PTPRT: variants seen among roughly 807,000 people sequenced by gnomAD.
PTPRT encodes protein tyrosine phosphatase receptor type T, also known as receptor-type tyrosine-protein phosphatase T.
In PTPRT, 56 loss-of-function variants were observed where a neutral mutation model predicts 176.8. That is an observed-to-expected ratio of 0.32 (90% CI 0.26 to 0.40). The LOEUF (loss-of-function observed/expected upper bound fraction) is 0.40, where lower values mean the gene tolerates loss of function less well. PTPRT is among the 10% of genes least tolerant of loss of function. The pLI, the probability that PTPRT is intolerant of heterozygous loss-of-function variation, is 1.00. For missense variants in PTPRT, 1,540 were observed against 1,908.2 expected (o/e 0.81, Z 3.60); for synonymous variants, 783 against 739.0 (o/e 1.06, Z -0.96).
intron 7 of PTPRT, among the ~76,000 whole-genome samples, chr20:42,623,678 T>A (rs964457177): frequency 6.6e-6 from 1 of 152,046 alleles, no homozygotes; most frequent in African/African-American, 2.4e-5. Flanking sequence ...CGGCAGAAAC[T>A]CTGGCATATT....
intron 1 of PTPRT, among the ~76,000 whole-genome samples, chr20:43,152,162 C>G (rs1208353276): frequency 1.3e-5 from 2 of 151,860 alleles, no homozygotes; most frequent in Non-Finnish European, 2.9e-5. Context: ...GAACCACAGG[C>G]TCAAAGACTA....
At chr20:42,988,294 G>A (rs181690665) in intron 1 of PTPRT, among the ~76,000 whole-genome samples, 7 of 152,344 alleles carry the variant, frequency 4.6e-5, no homozygotes, top group East Asian at 1.9e-4. Flanking sequence ...GGAGTCAGGC[G>A]TGAAAATATT....
At chr20:42,370,167 C>T (rs2058568507) in intron 9 of PTPRT, among the ~76,000 whole-genome samples, 1 of 152,208 alleles carries the variant, frequency 6.6e-6, no homozygotes, top group Non-Finnish European at 1.5e-5. Context: ...CACAGCTTGT[C>T]CAAGAAGTGG....
chr20:42,129,754 G>A (rs1004991562), intron 18 of PTPRT, among the ~76,000 whole-genome samples: 7 of 152,198 alleles, frequency 4.6e-5, no homozygotes, highest in African/African-American at 1.4e-4. Context: ...TGGGAGTCAC[G>A]GAGGTCAGAT....
chr20:42,130,582 G>A (rs1456854754), intron 18 of PTPRT, among the ~76,000 whole-genome samples: 1 of 152,182 alleles, frequency 6.6e-6, no homozygotes, highest in African/African-American at 2.4e-5. Context: ...GAGAAGGTAA[G>A]GAATGGGTCC....
chr20:43,125,194 T>C (rs115984808), intron 1 of PTPRT, among the ~76,000 whole-genome samples: 3 of 151,438 alleles, frequency 2.0e-5, no homozygotes, highest in African/African-American at 7.3e-5. Flanking sequence ...GAAATGAGGT[T>C]TCATCATGTT....
chr20:42,720,397 T>C (rs1335201864), intron 6 of PTPRT, among the ~76,000 whole-genome samples: 1 of 152,142 alleles, frequency 6.6e-6, no homozygotes, highest in Non-Finnish European at 1.5e-5. Flanking sequence ...AGAATGCATA[T>C]AAGCAAGTGA....
chr20:42,791,514 G>C (rs2145552048), intron 2 of PTPRT, 48 bp from the exon 3 acceptor site: 1 of 1,537,562 alleles, frequency 6.5e-7, no homozygotes. Flanking sequence ...GAGAAAGTAA[G>C]AAAATCCTTC....
At chr20:42,584,518 C>A (rs896202703) in intron 7 of PTPRT, among the ~76,000 whole-genome samples, 2 of 152,196 alleles carry the variant, frequency 1.3e-5, no homozygotes, top group South Asian at 4.1e-4. Context: ...GAGGTCTTCT[C>A]TGATATCTTA....
intron 1 of PTPRT, among the ~76,000 whole-genome samples, chr20:42,902,065 AG>A (rs2079412471): frequency 6.6e-6 from 1 of 152,184 alleles, no homozygotes; most frequent in African/African-American, 2.4e-5. Flanking sequence ...GCAATCTAAT[AG>A]CTGTCACCCA....
At position 42,352,238 on chromosome 20, in the gene PTPRT, C is replaced by T. The variant is rs377232017; in HGVS notation, c.1608G>A (p.Ser536=). 8.1e-5 allele frequency: 130 copies of T among 1,614,074 alleles called. No individual in the cohort carries two copies. The East Asian group carries it at 2.0e-3, about 24-fold the overall frequency. ...GCTTGAACACTTTCCCCCTCTGGCT[C>T]GAGAGGTCAGCACTTGGGTCCAGCG... ...VGSLDPSADL[S]SQRGKVFKLR... Residue 536 remains serine (S), a synonymous_variant, in exon 10 of 31, where the codon TCG becomes TCA. Transcript: ENST00000373187.
intron 1 of PTPRT, among the ~76,000 whole-genome samples, chr20:43,124,986 T>C (rs2013387806): frequency 6.6e-6 from 1 of 151,436 alleles, no homozygotes; most frequent in Admixed American, 6.6e-5. Flanking sequence ...GAAACTAAGT[T>C]AGATTTGGGA....
At position 42,724,321 on chromosome 20, in the gene PTPRT, T is replaced by A. The variant is rs534606662; in HGVS notation, c.859+32141A>T. Reference sequence around the variant, plus strand: ...CCCCTAATTCAGTCTCTGTCCTCCCTCATGCACCTGGAGGCCCAAATCTAT... The same window carrying A: ...CCCCTAATTCAGTCTCTGTCCTCCCACATGCACCTGGAGGCCCAAATCTAT... On this transcript the variant is annotated intron_variant, in intron 6 of 30. Transcript: ENST00000373187. Among the ~76,000 whole-genome samples the A allele has an allele frequency of 4.6e-4, 70 of 152,336 alleles. 1 individual carries two copies. The highest frequency in any genetic ancestry group is 1.2e-3 in the Admixed American group (19 of 15,310).
chr20:42,162,747 C>T (rs1454231572), intron 16 of PTPRT, among the ~76,000 whole-genome samples: 1 of 152,222 alleles, frequency 6.6e-6, no homozygotes, highest in East Asian at 1.9e-4. Context: ...GGAGGTTTAG[C>T]ATATATTCCC....
rs561389023 is a variant in PTPRT at position 42,152,174 on chromosome 20, G to A, written c.2682+9178C>T. ...GTGACAGCCAAATATCTTGAGACAG[G>A]TGCACCTTTTGTTATTTCACTCTAA... On this transcript the variant is annotated intron_variant, in intron 17 of 30. Coordinates refer to ENST00000373187, the MANE Select transcript of PTPRT (RefSeq NM_007050.6). 9.9e-4 allele frequency among the ~76,000 whole-genome samples: 151 copies of A among 152,340 alleles called. 1 individual carries two copies. The highest frequency in any genetic ancestry group is 1.6e-3 in the Admixed American group (25 of 15,308).
the PTPRT span, among the ~76,000 whole-genome samples, chr20:42,059,927 C>T: frequency 1.3e-5 from 2 of 152,258 alleles, no homozygotes; most frequent in Non-Finnish European, 1.5e-5. Flanking sequence ...TTTTCCCATA[C>T]ATAAAATGGA....
intron 1 of PTPRT, among the ~76,000 whole-genome samples, chr20:42,925,611 G>A (rs1481363734): frequency 2.0e-5 from 3 of 152,148 alleles, no homozygotes; most frequent in Non-Finnish European, 4.4e-5. Flanking sequence ...CCCATATTTC[G>A]GGTGTCATTG....
At chr20:42,309,290 G>A (rs1308232260) in intron 12 of PTPRT, among the ~76,000 whole-genome samples, 1 of 152,148 alleles carries the variant, frequency 6.6e-6, no homozygotes, top group African/African-American at 2.4e-5. Context: ...AGGATGCAGA[G>A]AACAGTAGAT....
chr20:43,044,380 C>A (rs1333224548), intron 1 of PTPRT, among the ~76,000 whole-genome samples: 1 of 152,106 alleles, frequency 6.6e-6, no homozygotes, highest in Admixed American at 6.5e-5. Flanking sequence ...TTACAGTTTC[C>A]CCCTCTCCAG....
Sources: gnomAD v4.1 joint callset for allele counts (sites outside exome capture counted in the v4.1 genomes callset) on GRCh38, gnomAD v4.1.1 for gene constraint, MANE v1.5 for transcripts, NCBI Gene and HGNC (gene_info 2026-07-23, HGNC 2026-07-21) for gene names.